Variants in TBC1D19 observed in about 807,000 individuals in gnomAD.
TBC1D19 encodes the protein TBC1 domain family member 19, also known as TBC1 domain family, member 19.
Under a neutral mutation model 89.0 loss-of-function variants are expected in TBC1D19, and 60 were observed. That is an observed-to-expected ratio of 0.67 (90% CI 0.55 to 0.84). The LOEUF is 0.84. TBC1D19 is among the 40% of genes least tolerant of loss of function. TBC1D19 has a pLI of 0.00. For synonymous variants in TBC1D19, 189 were observed against 199.7 expected (o/e 0.95, Z 0.45); for missense variants, 500 against 610.8 (o/e 0.82, Z 1.91).
chr4:26,851,506 T>G, the TBC1D19 span, among the ~76,000 whole-genome samples: 102 of 152,220 alleles, frequency 6.7e-4, no homozygotes, highest in Non-Finnish European at 1.2e-3. Flanking sequence ...AGACTTTTTC[T>G]ATTACTGTGA....
At chr4:26,637,688 C>G (rs1743224961) in intron 5 of TBC1D19, among the ~76,000 whole-genome samples, 1 of 152,010 alleles carries the variant, frequency 6.6e-6, no homozygotes, top group South Asian at 2.1e-4. Flanking sequence ...TGTATTTTTA[C>G]TAGTATATCA....
chr4:26,632,280 C>T (rs260961), intron 4 of TBC1D19, among the ~76,000 whole-genome samples: 17,230 of 151,652 alleles, frequency 0.11, 1,270 homozygotes, highest in South Asian at 0.18. Flanking sequence ...CTTTTGACTC[C>T]CCCAAAACTT....
chr4:26,753,727 T>C (rs1719106898), intron 19 of TBC1D19, 93 bp from the exon 20 acceptor site: 1 of 1,361,332 alleles, frequency 7.3e-7, no homozygotes, highest in Non-Finnish European at 1.0e-6. Context: ...TAGTTCTGAG[T>C]TTCCGTGCAG....
the TBC1D19 span, among the ~76,000 whole-genome samples, chr4:26,804,740 G>A: frequency 6.6e-6 from 1 of 152,214 alleles, no homozygotes; most frequent in African/African-American, 2.4e-5. Context: ...AGGTGTCAGT[G>A]ATTTGAGCGC....
intron 1 of TBC1D19, among the ~76,000 whole-genome samples, chr4:26,578,159 TC>T (rs1175653376): frequency 6.6e-6 from 1 of 152,142 alleles, no homozygotes; most frequent in Non-Finnish European, 1.5e-5. Flanking sequence ...CCTGCCCTAG[TC>T]CCCTTTCTTG....
chr4:26,734,914 G>A (rs1717876986), intron 15 of TBC1D19, among the ~76,000 whole-genome samples: 2 of 106,766 alleles, frequency 1.9e-5, no homozygotes, highest in African/African-American at 3.0e-5. Context: ...ATACACACAT[G>A]TGTACATACA....
chr4:26,600,738 A>T (rs1396400343), intron 1 of TBC1D19, among the ~76,000 whole-genome samples: 3 of 152,178 alleles, frequency 2.0e-5, no homozygotes. Context: ...AGGTGAGAGA[A>T]ACCAGAGCAG....
At chr4:26,756,524 A>G (rs1458964456), downstream of TBC1D19, among the ~76,000 whole-genome samples, 1 of 152,162 alleles carries the variant, frequency 6.6e-6, no homozygotes, top group Non-Finnish European at 1.5e-5. Flanking sequence ...TAGATAATGT[A>G]AGCTTTCTTA....
At chr4:26,618,969 G>A (rs1038429318) in intron 3 of TBC1D19, among the ~76,000 whole-genome samples, 6 of 152,100 alleles carry the variant, frequency 3.9e-5, no homozygotes, top group Admixed American at 3.3e-4. Context: ...ATTACTAAAT[G>A]TAAGCTCCAT....
chr4:26,654,206 C>G (rs1191079571), intron 7 of TBC1D19, among the ~76,000 whole-genome samples: 5 of 152,210 alleles, frequency 3.3e-5, no homozygotes, highest in Admixed American at 6.5e-5. Context: ...TTGGCCCCCA[C>G]TCTCTTCTGG....
intron 7 of TBC1D19, among the ~76,000 whole-genome samples, chr4:26,656,015 A>AC (rs975391725): frequency 2.0e-5 from 3 of 150,776 alleles, no homozygotes; most frequent in Non-Finnish European, 3.0e-5. Flanking sequence ...TCTTGGCTCC[A>AC]CCCCCTCCAC....
chr4:26,629,368 T>C (rs1406928276), intron 4 of TBC1D19, among the ~76,000 whole-genome samples: 1 of 152,086 alleles, frequency 6.6e-6, no homozygotes, highest in East Asian at 1.9e-4. Flanking sequence ...TATACTTCTC[T>C]ACTATAATAC....
At chr4:26,707,632 G>T (rs1715841802) in intron 13 of TBC1D19, among the ~76,000 whole-genome samples, 1 of 151,356 alleles carries the variant, frequency 6.6e-6, no homozygotes, top group Non-Finnish European at 1.5e-5. Context: ...TCTTCTTTTG[G>T]GTTTAGTTGG....
intron 3 of TBC1D19, among the ~76,000 whole-genome samples, chr4:26,617,463 C>T (rs140421726): frequency 1.3e-3 from 197 of 152,334 alleles, no homozygotes; most frequent in African/African-American, 4.4e-3. Context: ...TACTATGTCT[C>T]ACATAGGTAT....
chr4:26,587,576 C>A (rs1355786755), intron 1 of TBC1D19, among the ~76,000 whole-genome samples: 3 of 118,996 alleles, frequency 2.5e-5, no homozygotes, highest in African/African-American at 6.2e-5. Flanking sequence ...GACCTTGTCT[C>A]AAAAAAAAAA....
At chr4:26,856,961 C>A in the TBC1D19 span, among the ~76,000 whole-genome samples, 2 of 152,184 alleles carry the variant, frequency 1.3e-5, no homozygotes, top group South Asian at 4.1e-4. Context: ...GAGTTTTTAA[C>A]TCCCTATCCT....
the TBC1D19 span, among the ~76,000 whole-genome samples, chr4:26,831,578 C>CTTTTTTTTTTTTTTTTTTTTT: frequency 8.1e-6 from 1 of 123,372 alleles, no homozygotes; most frequent in African/African-American, 4.0e-5. Flanking sequence ...TCTTTTTCTT[C>CTTTTTTTTTTTTTTTTTTTTT]TTTTTTTTTT....
At chr4:26,754,779 A>C in intron 20 of TBC1D19, 94 bp from the exon 21 acceptor site, 2 of 921,604 alleles carry the variant, frequency 2.2e-6, no homozygotes, top group Non-Finnish European at 1.6e-6. Context: ...AATCCAAAGA[A>C]GGAGCTTAGT....
At chr4:26,613,836 A>G (rs1323998252) in intron 2 of TBC1D19, among the ~76,000 whole-genome samples, 1 of 152,194 alleles carries the variant, frequency 6.6e-6, no homozygotes, top group African/African-American at 2.4e-5. Flanking sequence ...AGAAAATTCT[A>G]ACTTTTCATA....
Sources: allele counts gnomAD v4.1 joint callset (sites outside exome capture counted in the v4.1 genomes callset), GRCh38; gene constraint gnomAD v4.1.1; transcripts MANE v1.5; gene names NCBI Gene and HGNC (gene_info 2026-07-23, HGNC 2026-07-21).